Variants in ADAMTS6 observed in about 807,000 individuals in gnomAD.
The protein encoded by ADAMTS6 is ADAM metallopeptidase with thrombospondin type 1 motif 6, also known as A disintegrin and metalloproteinase with thrombospondin motifs 6.
In ADAMTS6, 23 loss-of-function variants were observed where a neutral mutation model predicts 144.3. That is an observed-to-expected ratio of 0.16 (90% CI 0.11 to 0.23). The LOEUF (loss-of-function observed/expected upper bound fraction) is 0.23. Among genes scored for constraint, ADAMTS6 ranks in the 10% least tolerant of loss-of-function variants. ADAMTS6 has a pLI of 1.00. For missense variants in ADAMTS6, 999 were observed against 1,379.6 expected (o/e 0.72, Z 4.37); for synonymous variants, 444 against 457.5 (o/e 0.97, Z 0.38).
At chr5:65,318,879 T>C (rs1256873053) in intron 9 of ADAMTS6, among the ~76,000 whole-genome samples, 1 of 152,118 alleles carries the variant, frequency 6.6e-6, no homozygotes, top group Non-Finnish European at 1.5e-5. Context: ...ACTAAAATAA[T>C]ATAATTGGAT....
At chr5:65,383,260 C>T (rs1752192969) in intron 7 of ADAMTS6, among the ~76,000 whole-genome samples, 1 of 152,146 alleles carries the variant, frequency 6.6e-6, no homozygotes, top group Admixed American at 6.5e-5. Context: ...TTAACTCACC[C>T]TAATATCAAC....
chr5:65,240,202 C>T (rs989230471), intron 15 of ADAMTS6, among the ~76,000 whole-genome samples: 3 of 151,858 alleles, frequency 2.0e-5, no homozygotes, highest in Admixed American at 6.6e-5. Flanking sequence ...ACTCCTAGAC[C>T]CAAGTGATTC....
At chr5:65,285,777 G>C (rs1300580902) in intron 11 of ADAMTS6, among the ~76,000 whole-genome samples, 3 of 152,162 alleles carry the variant, frequency 2.0e-5, no homozygotes, top group Admixed American at 1.3e-4. Context: ...AAGTAATGTT[G>C]TTAGAAAAGG....
In ADAMTS6 at chr5:65,224,333, T is replaced by C. The variant is rs750978305; in HGVS notation, c.2259A>G (p.Ser753=). The C allele has an allele frequency of 1.7e-5, 27 of 1,613,968 alleles. No individual in the cohort carries two copies. The highest frequency in any genetic ancestry group is 2.2e-5 in the East Asian group (1 of 44,872). ...VHIEVREVAM[S]KNYIALKSEG... Reference sequence around the variant, plus strand: ...AGTCTAACATACCAATATAGTTCTTTGACATGGCAACTTCTCTAACTTCAA... The same window carrying C: ...AGTCTAACATACCAATATAGTTCTTCGACATGGCAACTTCTCTAACTTCAA... The change falls in exon 18 of 25, where the codon TCA becomes TCG. Residue 753 remains serine, a synonymous_variant. Transcript: ENST00000381055.
intron 15 of ADAMTS6, among the ~76,000 whole-genome samples, chr5:65,232,003 C>G (rs549050557): frequency 1.3e-5 from 2 of 151,888 alleles, no homozygotes; most frequent in Admixed American, 6.6e-5. Flanking sequence ...CCCAGCTACT[C>G]GGGAGGCTGA....
chr5:65,340,367 A>G (rs1747707052), intron 7 of ADAMTS6, among the ~76,000 whole-genome samples: 1 of 152,142 alleles, frequency 6.6e-6, no homozygotes, highest in Admixed American at 6.5e-5. Context: ...CTTACAAGAC[A>G]TGCTCAGGGA....
At chr5:65,377,976 T>C (rs1296694344) in intron 7 of ADAMTS6, among the ~76,000 whole-genome samples, 3 of 152,162 alleles carry the variant, frequency 2.0e-5, no homozygotes, top group Non-Finnish European at 2.9e-5. Context: ...GGTTCTACCA[T>C]CATGTGGCCA....
intron 7 of ADAMTS6, among the ~76,000 whole-genome samples, chr5:65,385,684 G>C (rs929542802): frequency 3.3e-5 from 5 of 152,168 alleles, no homozygotes; most frequent in Middle Eastern, 3.4e-3. Context: ...AATTTCTAAA[G>C]CATGAGGATA....
At chr5:65,457,796 C>T (rs1465012747) in intron 4 of ADAMTS6, among the ~76,000 whole-genome samples, 1 of 116,704 alleles carries the variant, frequency 8.6e-6, no homozygotes, top group Non-Finnish European at 1.7e-5. Flanking sequence ...GTGTGATCTT[C>T]GCTCACTGCA....
intron 14 of ADAMTS6, chr5:65,251,255 A>G (rs1299684525): frequency 6.6e-6 from 1 of 152,244 alleles, no homozygotes; most frequent in Non-Finnish European, 1.5e-5. Flanking sequence ...GCATATTTAT[A>G]AAAACTGTCA....
At chr5:65,354,608 A>C (rs1372718069) in intron 7 of ADAMTS6, among the ~76,000 whole-genome samples, 1 of 151,812 alleles carries the variant, frequency 6.6e-6, no homozygotes, top group Non-Finnish European at 1.5e-5. Context: ...ATATTTGATA[A>C]TACTACTAAC....
intron 10 of ADAMTS6, among the ~76,000 whole-genome samples, chr5:65,296,262 C>A (rs1580325383): frequency 1.3e-5 from 2 of 152,242 alleles, no homozygotes; most frequent in Middle Eastern, 3.4e-3. Flanking sequence ...GGGTTGATAT[C>A]ATCTACAGTA....
At chr5:65,308,610 C>T (rs1182319795) in intron 9 of ADAMTS6, among the ~76,000 whole-genome samples, 2 of 152,142 alleles carry the variant, frequency 1.3e-5, no homozygotes, top group African/African-American at 4.8e-5. Context: ...CCTGTCCTAT[C>T]CAAAGGTTTC....
At chr5:65,224,291 C>T in intron 18 of ADAMTS6, 29 bp downstream of exon 18, 2 of 1,589,628 alleles carry the variant, frequency 1.3e-6, no homozygotes, top group East Asian at 2.2e-5. Flanking sequence ...TTTTAAAATC[C>T]AGCAAACTAG....
At chr5:65,269,313 T>G (rs1378301247) in intron 12 of ADAMTS6, among the ~76,000 whole-genome samples, 1 of 152,220 alleles carries the variant, frequency 6.6e-6, no homozygotes, top group South Asian at 2.1e-4. Flanking sequence ...ATTTTAGAGA[T>G]TCATTATTTT....
Position 65,281,811 on chromosome 5 carries a change from T to A in ADAMTS6, c.1513-8364A>T, listed in dbSNP as rs756479628. On this transcript the variant is annotated intron_variant, in intron 11 of 24. Transcript: ENST00000381055. ...TGCAGAAAATAACCTTGTAAAGAACTAAAATAGGGCTTTTTTGATCAGAAT... is the reference window on the plus strand; with the variant it reads ...TGCAGAAAATAACCTTGTAAAGAACAAAAATAGGGCTTTTTTGATCAGAAT... 7.0e-4 allele frequency among the ~76,000 whole-genome samples: 107 copies of A among 152,242 alleles called. 2 individuals carry two copies. Among genetic ancestry groups the A allele is most frequent in the South Asian group, 2.7e-3 (13 of 4,828 alleles).
chr5:65,248,252 T>C (rs6866829), intron 14 of ADAMTS6, among the ~76,000 whole-genome samples: 25,569 of 152,138 alleles, frequency 0.17, 2,642 homozygotes, highest in African/African-American at 0.29. Flanking sequence ...TCAGTTTTTA[T>C]TCAACTTTCT....
chr5:65,296,623 G>A (rs924802053), intron 10 of ADAMTS6, among the ~76,000 whole-genome samples: 1 of 152,112 alleles, frequency 6.6e-6, no homozygotes, highest in Admixed American at 6.5e-5. Context: ...ACCTTTGAAG[G>A]TCATTGCTAG....
At chr5:65,221,675 A>C (rs572528713) in intron 18 of ADAMTS6, among the ~76,000 whole-genome samples, 1 of 152,212 alleles carries the variant, frequency 6.6e-6, no homozygotes, top group Non-Finnish European at 1.5e-5. Context: ...AATAAAGGGC[A>C]TAAAGATTGG....
Sources: allele counts gnomAD v4.1 joint callset (sites outside exome capture counted in the v4.1 genomes callset), GRCh38; gene constraint gnomAD v4.1.1; transcripts MANE v1.5; gene names NCBI Gene and HGNC (gene_info 2026-07-23, HGNC 2026-07-21).